Variants in UNC13C observed in about 807,000 individuals in gnomAD.
UNC13C encodes the protein protein unc-13 homolog C.
UNC13C carries 174 observed loss-of-function variants against 245.4 expected under a neutral mutation model. The observed-to-expected ratio is 0.71, with a 90% CI of 0.63 to 0.80. The LOEUF (loss-of-function observed/expected upper bound fraction) is 0.80. Among genes scored for constraint, UNC13C ranks in the 30% least tolerant of loss-of-function variants. The pLI is 0.00. For synonymous variants in UNC13C, 992 were observed against 895.1 expected, an observed-to-expected ratio of 1.11 and a Z score of -1.93; for missense variants, 2,829 against 2,602.9, an observed-to-expected ratio of 1.09 and a Z score of -1.89.
At chr15:54,236,296 G>C in intron 5 of UNC13C, 134 bp from the exon 6 acceptor site, 1 of 692,762 alleles carries the variant, frequency 1.4e-6, no homozygotes, top group Non-Finnish European at 2.4e-6. Flanking sequence ...AGTACATTTA[G>C]TTCAAATTTC....
chr15:53,989,261 G>T (rs1170621312), intron 1 of UNC13C, among the ~76,000 whole-genome samples: 1 of 151,656 alleles, frequency 6.6e-6, no homozygotes, highest in Non-Finnish European at 1.5e-5. Context: ...ATGAAGGCAA[G>T]GTTATGCAAC....
At chr15:54,254,786 A>C (rs79799913) in intron 8 of UNC13C, among the ~76,000 whole-genome samples, 4,798 of 152,292 alleles carry the variant, frequency 0.032, 88 homozygotes, top group African/African-American at 0.039. Flanking sequence ...AGGGGGAAGA[A>C]AAGGAAAGTT....
intron 26 of UNC13C, among the ~76,000 whole-genome samples, chr15:54,542,267 A>T (rs1487553143): frequency 6.6e-6 from 1 of 152,136 alleles, no homozygotes; most frequent in African/African-American, 2.4e-5. Flanking sequence ...CCCAGGAGTC[A>T]TTTAGGAGCA....
chr15:54,437,086 G>A (rs1445301041), intron 19 of UNC13C, among the ~76,000 whole-genome samples: 6 of 151,958 alleles, frequency 3.9e-5, no homozygotes, highest in South Asian at 2.1e-4. Context: ...TGCATTCACC[G>A]ATTTGGCATG....
At chr15:54,384,243 A>G (rs973636963) in intron 17 of UNC13C, among the ~76,000 whole-genome samples, 3 of 152,176 alleles carry the variant, frequency 2.0e-5, no homozygotes, top group Non-Finnish European at 2.9e-5. Flanking sequence ...GCATCATGCT[A>G]TCTGACTTCA....
At chr15:54,164,435 C>A (rs2033093241) in intron 4 of UNC13C, among the ~76,000 whole-genome samples, 1 of 152,126 alleles carries the variant, frequency 6.6e-6, no homozygotes, top group Non-Finnish European at 1.5e-5. Context: ...ACACTGTCTT[C>A]ATCTTAGACA....
At chr15:54,122,567 A>G (rs1283543421) in intron 2 of UNC13C, among the ~76,000 whole-genome samples, 1 of 152,004 alleles carries the variant, frequency 6.6e-6, no homozygotes, top group Non-Finnish European at 1.5e-5. Flanking sequence ...CCTTGTAGCC[A>G]ATTTCACAAT....
chr15:53,856,346 G>A, the UNC13C span, among the ~76,000 whole-genome samples: 1 of 148,222 alleles, frequency 6.7e-6, no homozygotes, highest in Non-Finnish European at 1.5e-5. Context: ...TGTTAGTTTT[G>A]GGGTTTGTGT....
chr15:54,153,900 A>G (rs2032632138), intron 4 of UNC13C, among the ~76,000 whole-genome samples: 1 of 151,976 alleles, frequency 6.6e-6, no homozygotes, highest in Non-Finnish European at 1.5e-5. Flanking sequence ...TTGCCTTTAC[A>G]TAGATTTCTA....
At chr15:54,273,654 A>G (rs2036751914) in intron 10 of UNC13C, among the ~76,000 whole-genome samples, 1 of 152,156 alleles carries the variant, frequency 6.6e-6, no homozygotes, top group South Asian at 2.1e-4. Context: ...GGGAAGTCTT[A>G]ATGGGGCATG....
intron 19 of UNC13C, among the ~76,000 whole-genome samples, chr15:54,453,568 TA>T (rs1303934946): frequency 6.6e-6 from 1 of 152,226 alleles, no homozygotes; most frequent in Non-Finnish European, 1.5e-5. Context: ...AATGCTACAG[TA>T]AAAAGTTCTT....
the UNC13C span, among the ~76,000 whole-genome samples, chr15:53,856,018 G>A: frequency 6.6e-5 from 10 of 152,058 alleles, no homozygotes; most frequent in Admixed American, 6.6e-4. Flanking sequence ...TTCAGTATTG[G>A]GAGTGTGTAT....
chr15:54,131,817 C>T (rs1395943805), intron 2 of UNC13C, among the ~76,000 whole-genome samples: 1 of 152,112 alleles, frequency 6.6e-6, no homozygotes, highest in Non-Finnish European at 1.5e-5. Flanking sequence ...TTTACTGTCG[C>T]ACTCCCATGT....
Position 54,558,172 on chromosome 15 carries a change from C to A in UNC13C, c.5958+2660C>A, listed in dbSNP as rs550548344. On this transcript the variant is annotated intron_variant, in intron 29 of 32. Transcript: ENST00000260323. The stretch of plus-strand genomic sequence containing the variant: ...ATGCTAGATGACGAGTTAGTGGGTG[C>A]AGCACACCAGCATGTCACATGTATA... 1.1e-3 allele frequency among the ~76,000 whole-genome samples: 172 copies of A among 152,098 alleles called. 1 individual carries two copies. Among genetic ancestry groups the A allele is most frequent in the African/African-American group, 3.9e-3 (162 of 41,514 alleles).
At chr15:53,926,153 A>G in the UNC13C span, among the ~76,000 whole-genome samples, 2 of 152,086 alleles carry the variant, frequency 1.3e-5, no homozygotes, top group African/African-American at 4.8e-5. Context: ...TATGACTCAT[A>G]GACATTAAAG....
intron 17 of UNC13C, among the ~76,000 whole-genome samples, chr15:54,344,168 A>G (rs1372221911): frequency 6.6e-6 from 1 of 152,218 alleles, no homozygotes; most frequent in Non-Finnish European, 1.5e-5. Context: ...AATCTTTATC[A>G]TTTCCTCATC....
At chr15:54,615,583 T>C (rs1486191506) in intron 30 of UNC13C, among the ~76,000 whole-genome samples, 1 of 152,084 alleles carries the variant, frequency 6.6e-6, no homozygotes, top group Non-Finnish European at 1.5e-5. Flanking sequence ...GATAGTCATG[T>C]TTGCTAGTAA....
intron 2 of UNC13C, among the ~76,000 whole-genome samples, chr15:54,088,905 G>T (rs1393115388): frequency 6.6e-6 from 1 of 152,218 alleles, no homozygotes; most frequent in Admixed American, 6.5e-5. Flanking sequence ...TATTGAAACA[G>T]AAGAAATCTT....
chr15:54,049,892 T>G, intron 2 of UNC13C: 1 of 232,752 alleles, frequency 4.3e-6, no homozygotes, highest in Admixed American at 5.3e-5. Context: ...CACCAGCAGA[T>G]AAGATTATTG....
Sources: allele counts gnomAD v4.1 joint callset (sites outside exome capture counted in the v4.1 genomes callset), GRCh38; gene constraint gnomAD v4.1.1; transcripts MANE v1.5; gene names NCBI Gene and HGNC (gene_info 2026-07-23, HGNC 2026-07-21).